RGS9: variants seen among roughly 807,000 people sequenced by gnomAD.
RGS9 encodes the protein regulator of G protein signaling 9, also known as regulator of G-protein signalling 9.
Under a neutral mutation model 102.0 loss-of-function variants are expected in RGS9, and 78 were observed. The observed-to-expected ratio is 0.76, with a 90% CI of 0.64 to 0.92. RGS9 has a LOEUF of 0.92. Among genes scored for constraint, RGS9 ranks in the 40% least tolerant of loss-of-function variants. The probability of loss-of-function intolerance (pLI) is 0.00; values close to 1 mark genes in which losing one functional copy is unlikely to be tolerated. For missense variants in RGS9, 833 were observed against 866.1 expected, an observed-to-expected ratio of 0.96 and a Z score of 0.48; for synonymous variants, 353 against 318.6, an observed-to-expected ratio of 1.11 and a Z score of -1.15.
intron 1 of RGS9, among the ~76,000 whole-genome samples, chr17:65,152,010 G>A (rs73994736): frequency 0.035 from 5,389 of 152,272 alleles, 288 homozygotes; most frequent in African/African-American, 0.12. Flanking sequence ...ATGCACCACC[G>A]ACAATGTATT....
At position 65,225,118 on chromosome 17, in the gene RGS9, C is replaced by G. The variant is rs775796171; in HGVS notation, c.1524C>G (p.Ala508=). 1.2e-6 allele frequency: 2 copies of G among 1,613,820 alleles called. No individual in the cohort carries two copies. The change falls in exon 18 of 19, where the codon GCC becomes GCG. Residue 508 remains alanine (A), a synonymous_variant. Coordinates refer to ENST00000262406, the MANE Select transcript of RGS9 (RefSeq NM_003835.4). ...GCCGCTCCCCCAGGAAGCCTTTCGCCTCACCCAGCCGCTTCATCCGGCGAC... is the reference window on the plus strand; with the variant it reads ...GCCGCTCCCCCAGGAAGCCTTTCGCGTCACCCAGCCGCTTCATCCGGCGAC... ...SSCRSPRKPF[A]SPSRFIRRPS...
rs938334103 is a variant in RGS9, at chr17:65,137,510, G to C, written c.-31G>C. 2.5e-6 allele frequency: 4 copies of C among 1,608,256 alleles called. No homozygotes were observed. The African/African-American group carries it at 5.3e-5, about 21-fold the overall frequency. ...GCTTCTCCTCTTGTCTCCCACTGGT[G>C]CTCTGGCTGTGAATCCATCCAGGGG... On this transcript the variant is annotated 5_prime_UTR_variant, in exon 1 of 19. Transcript: ENST00000262406.
In RGS9 at chr17:65,202,022, G is replaced by A. The variant is rs1297046332; in HGVS notation, c.1006G>A (p.Glu336Lys). 7 of 1,613,560 alleles carry A rather than the reference G, an allele frequency of 4.3e-6. No homozygotes were observed. The highest frequency in any genetic ancestry group is 4.5e-5 in the East Asian group (2 of 44,882). ...GENLGFWEAC[E>K]DLKYGDQSKV... ...GAATCTGGGATTCTGGGAAGCCTGC[G>A]AGGATCTGAAGTATGGAGATCAGTC... The change falls in exon 14 of 19, where the codon GAG (glutamate) becomes AAG (lysine). Residue 336 changes from glutamate (E) to lysine (K), a missense_variant. Transcript: ENST00000262406.
chr17:65,153,067 C>T (rs921611632), intron 1 of RGS9, among the ~76,000 whole-genome samples: 5 of 152,326 alleles, frequency 3.3e-5, no homozygotes, highest in African/African-American at 1.2e-4. Flanking sequence ...TTTTCTGTTC[C>T]ACTAACCCTG....
chr17:65,180,546 C>T (rs1007006313), intron 9 of RGS9, among the ~76,000 whole-genome samples: 2 of 152,148 alleles, frequency 1.3e-5, no homozygotes, highest in Non-Finnish European at 2.9e-5. Flanking sequence ...GACGGAGTTT[C>T]TCCATGTTGG....
At position 65,193,631 on chromosome 17, in the gene RGS9, C is replaced by G; in HGVS notation, c.835C>G (p.Gln279Glu). 1 of 1,612,992 alleles carries G rather than the reference C, an allele frequency of 6.2e-7. No homozygotes were observed. Reference protein sequence around the residue: ...PSNPWITDDTQFWDLNAKLVE... With the variant: ...PSNPWITDDTEFWDLNAKLVE... Reference sequence around the variant, plus strand: ...CAACCCCTGGATCACCGATGACACCCAGTTCTGGGACTTAAATGCCAAATT... The same window carrying G: ...CAACCCCTGGATCACCGATGACACCGAGTTCTGGGACTTAAATGCCAAATT... Residue 279 changes from glutamine to glutamate, a missense_variant, in exon 12 of 19, where the codon CAG becomes GAG. Coordinates refer to ENST00000262406, the MANE Select transcript of RGS9 (RefSeq NM_003835.4).
chr17:65,162,153 AGG>A (rs1911010457), intron 6 of RGS9, among the ~76,000 whole-genome samples: 1 of 152,006 alleles, frequency 6.6e-6, no homozygotes, highest in South Asian at 2.1e-4. Flanking sequence ...GCATTTTGGG[AGG>A]CCAAGATGGG....
chr17:65,137,692 C>T (rs1030530341), intron 1 of RGS9, 95 bp downstream of exon 1: 20 of 1,135,056 alleles, frequency 1.8e-5, no homozygotes, highest in Non-Finnish European at 2.6e-5. Flanking sequence ...GGAGAGCACC[C>T]CTTTGGGTCG....
Position 65,160,267 on chromosome 17 carries a change from T to C in RGS9, c.240T>C (p.Tyr80=), listed in dbSNP as rs563154197. Residue 80 remains tyrosine (Y), a synonymous_variant, in exon 4 of 19, where the codon TAT becomes TAC. Coordinates refer to ENST00000262406, the MANE Select transcript of RGS9 (RefSeq NM_003835.4). ...AQNLGNFIVR[Y]GYIYPLQDPK... is the part of the protein sequence containing the mutation. ...ACTTGGGCAACTTTATTGTCAGGTA[T>C]GGCTACATTTACCCCCTGCAAGACC... 1.9e-6 allele frequency: 3 copies of C among 1,614,214 alleles called. No individual in the cohort carries two copies. Among genetic ancestry groups the C allele is most frequent in the South Asian group, 1.1e-5 (1 of 91,090 alleles).
Position 65,168,288 on chromosome 17 carries a change from ATCC to A in RGS9, c.582+12_582+14del. ...GCTGGTGCACCGATGCCCTGTGAGT[ATCC>A]TCCTGCCTGGTGTCCTCTGTCTCTT... On this transcript the variant is annotated splice_region_variant and intron_variant, in intron 8 of 18. Coordinates refer to ENST00000262406, the MANE Select transcript of RGS9 (RefSeq NM_003835.4). 6.3e-7 allele frequency: 1 copy of A among 1,597,202 alleles called. No homozygotes were observed. Among genetic ancestry groups the A allele is most frequent in the East Asian group, 2.2e-5 (1 of 44,574 alleles).
chr17:65,160,848 C>T lies in RGS9; in HGVS notation c.365-3C>T, dbSNP rs1445181549. ...TGGAAAATGTCATTGCTTTCTTTTCCAGCCATCTATCTGGCCAAGCGAAAT... is the reference window on the plus strand; with the variant it reads ...TGGAAAATGTCATTGCTTTCTTTTCTAGCCATCTATCTGGCCAAGCGAAAT... On this transcript the variant is annotated splice_region_variant and splice_polypyrimidine_tract_variant and intron_variant, in intron 5 of 18. Coordinates refer to ENST00000262406, the MANE Select transcript of RGS9 (RefSeq NM_003835.4). 1.9e-6 allele frequency: 3 copies of T among 1,613,638 alleles called. No individual in the cohort carries two copies. In the East Asian group the frequency reaches 6.7e-5, roughly 36 times the overall value.
chr17:65,139,139 G>C (rs1427119820), intron 1 of RGS9, among the ~76,000 whole-genome samples: 85 of 8,508 alleles, frequency 1.0e-2, no homozygotes, highest in Middle Eastern at 0.062. Context: ...TCCACCCCAG[G>C]TCCTCTTCCT....
In RGS9 at chr17:65,152,783, T is replaced by G. The variant is rs548196267; in HGVS notation, c.58-639T>G. Reference sequence around the variant, plus strand: ...TGGGTTTAAGCGATCCTCCCGCCTCTGCCTCCCAGATTTTGGGATTACAGG... The same window carrying G: ...TGGGTTTAAGCGATCCTCCCGCCTCGGCCTCCCAGATTTTGGGATTACAGG... On this transcript the variant is annotated intron_variant, in intron 1 of 18. Transcript: ENST00000262406. Among the ~76,000 whole-genome samples, 22 of 152,354 alleles carry G rather than the reference T, an allele frequency of 1.4e-4. No homozygotes were observed. In the East Asian group the frequency reaches 4.2e-3, roughly 29 times the overall value.
At chr17:65,184,322 T>G (rs1016224784) in intron 9 of RGS9, among the ~76,000 whole-genome samples, 1 of 152,232 alleles carries the variant, frequency 6.6e-6, no homozygotes, top group African/African-American at 2.4e-5. Context: ...TGTTTGAATT[T>G]CAGATAAGCA....
intron 17 of RGS9, 60 bp from the exon 18 acceptor site, chr17:65,224,942 G>A (rs1905564151): frequency 1.2e-6 from 2 of 1,606,444 alleles, no homozygotes; most frequent in East Asian, 2.2e-5. Context: ...ACAGCCCAGG[G>A]GCCCTGCTGG....
intron 17 of RGS9, among the ~76,000 whole-genome samples, chr17:65,211,866 A>G (rs1913317718): frequency 6.6e-6 from 1 of 152,230 alleles, no homozygotes. Flanking sequence ...TCAGGTAGCT[A>G]TTGCTGTGTG....
At chr17:65,204,116 A>G (rs767397981) in intron 14 of RGS9, 47 bp from the exon 15 acceptor site, 1 of 1,610,054 alleles carries the variant, frequency 6.2e-7, no homozygotes, top group East Asian at 2.2e-5. Flanking sequence ...CTATCCATGA[A>G]TTGACTTGGT....
intron 13 of RGS9, among the ~76,000 whole-genome samples, chr17:65,199,488 C>CTT (rs3034101): frequency 1.6e-3 from 173 of 108,296 alleles, no homozygotes; most frequent in Non-Finnish European, 2.1e-3. Flanking sequence ...GCTTCTGTTC[C>CTT]TTTTTTTTTT....
At chr17:65,181,685 C>T (rs542444345) in intron 9 of RGS9, among the ~76,000 whole-genome samples, 4 of 152,364 alleles carry the variant, frequency 2.6e-5, no homozygotes, top group East Asian at 3.9e-4. Flanking sequence ...AGGGCAGTGT[C>T]GGGTGCTGAA....
Sources: gnomAD v4.1 joint callset for allele counts (sites outside exome capture counted in the v4.1 genomes callset) on GRCh38, gnomAD v4.1.1 for gene constraint, MANE v1.5 for transcripts, NCBI Gene and HGNC (gene_info 2026-07-23, HGNC 2026-07-21) for gene names.